MYBPC1: variants seen among roughly 807,000 people sequenced by gnomAD.
The protein encoded by MYBPC1 is myosin binding protein C1, also known as myosin-binding protein C, slow-type.
A neutral mutation model predicts 147.1 loss-of-function variants in MYBPC1; 52 were observed. The ratio of observed to expected loss-of-function variants is 0.35; its 90% CI spans 0.28 to 0.45. The LOEUF (loss-of-function observed/expected upper bound fraction) is 0.45, where lower values mean the gene tolerates loss of function less well. Among genes scored for constraint, MYBPC1 ranks in the 20% least tolerant of loss-of-function variants. The pLI is 1.00. For missense variants in MYBPC1, 1,228 were observed against 1,440.3 expected (o/e 0.85, Z 2.39); for synonymous variants, 477 against 475.9 (o/e 1.00, Z -0.03).
rs111788098 is a variant in MYBPC1, at chr12:101,649,163, C to T, written c.1197-97C>T. The T allele has an allele frequency of 1.2e-4, 127 of 1,092,172 alleles. 1 individual carries two copies. In the African/African-American group the frequency reaches 1.2e-3, roughly 10 times the overall value. 67.7% of individuals were successfully genotyped at this position (1,092,172 alleles called of 1,614,324 possible). On this transcript the variant is annotated intron_variant, in intron 14 of 31. Coordinates refer to ENST00000361466, the MANE Select transcript of MYBPC1 (RefSeq NM_002465.4). Reference sequence around the variant, plus strand: ...ATAGTTCTTGTGTGTCTCATATCCTCCAGAAATTCTTCAGGATATTGCAAT... The same window carrying T: ...ATAGTTCTTGTGTGTCTCATATCCTTCAGAAATTCTTCAGGATATTGCAAT...
At chr12:101,675,112 T>G (rs779725334) in intron 25 of MYBPC1, among the ~76,000 whole-genome samples, 180 bp from the exon 26 acceptor site, 1 of 152,124 alleles carries the variant, frequency 6.6e-6, no homozygotes, top group Non-Finnish European at 1.5e-5. Context: ...CTGTGCCCTT[T>G]GATCTGGCCT....
At chr12:101,658,130 CAAAA>C (rs34952207) in intron 18 of MYBPC1, among the ~76,000 whole-genome samples, 4 of 90,418 alleles carry the variant, frequency 4.4e-5, no homozygotes, top group Non-Finnish European at 9.4e-5. Flanking sequence ...GACTCCGTCT[CAAAA>C]AAAAAAAAAA....
chr12:101,600,300 C>CT lies in MYBPC1; in HGVS notation c.25+5219dup, dbSNP rs767930149. On this transcript the variant is annotated intron_variant, in intron 1 of 31. Coordinates refer to ENST00000361466, the MANE Select transcript of MYBPC1 (RefSeq NM_002465.4). ...TTGGCCATGAGACACAGCCTTGAAA[C>CT]TTTTTTTTTTTTTTAGGCTCTGTAT... The CT allele has an allele frequency of 4.4e-3, 629 of 142,610 alleles. 1 individual carries two copies. The highest frequency in any genetic ancestry group is 0.012 in the African/African-American group (457 of 39,102). 8.8% of individuals were successfully genotyped at this position (142,610 alleles called of 1,614,324 possible).
At chr12:101,629,588 G>A (rs1889408576) in intron 6 of MYBPC1, 44 bp downstream of exon 6, 3 of 1,435,156 alleles carry the variant, frequency 2.1e-6, no homozygotes, top group Non-Finnish European at 2.9e-6. Context: ...AAAAATTAAG[G>A]TGAGCCGAGC....
chr12:101,626,384 T>C (rs1888618822), intron 3 of MYBPC1, among the ~76,000 whole-genome samples: 2 of 152,214 alleles, frequency 1.3e-5, no homozygotes, highest in South Asian at 4.1e-4. Flanking sequence ...TCTTGACTTT[T>C]GTTTCTTAAA....
At chr12:101,612,210 C>G (rs1310416961) in intron 1 of MYBPC1, among the ~76,000 whole-genome samples, 2 of 152,026 alleles carry the variant, frequency 1.3e-5, no homozygotes, top group African/African-American at 4.8e-5. Flanking sequence ...ATAGCAGGAA[C>G]TACCCTATGC....
intron 3 of MYBPC1, among the ~76,000 whole-genome samples, chr12:101,618,345 T>C (rs1240857561): frequency 6.6e-6 from 1 of 152,226 alleles, no homozygotes; most frequent in Non-Finnish European, 1.5e-5. Flanking sequence ...GTAACATGAA[T>C]ACTAATCCTG....
chr12:101,659,881 A>G lies in MYBPC1; in HGVS notation c.1927+50A>G, dbSNP rs746024585. 13 of 1,600,728 alleles carry G rather than the reference A, an allele frequency of 8.1e-6. No individual in the cohort carries two copies. In the Admixed American group the frequency reaches 2.2e-4, roughly 27 times the overall value. On this transcript the variant is annotated intron_variant, in intron 19 of 31. Coordinates refer to ENST00000361466, the MANE Select transcript of MYBPC1 (RefSeq NM_002465.4). ...TCTAGAATCAAGCTGACATGTCAAG[A>G]TTCAGAGTAGACTTTCCTTCTTTGT...
At chr12:101,601,970 G>A (rs1288895856) in intron 1 of MYBPC1, among the ~76,000 whole-genome samples, 1 of 152,116 alleles carries the variant, frequency 6.6e-6, no homozygotes, top group Non-Finnish European at 1.5e-5. Flanking sequence ...TATGCACACA[G>A]TATGTGTCTT....
chr12:101,666,236 C>T, intron 22 of MYBPC1: 1 of 173,246 alleles, frequency 5.8e-6, no homozygotes, highest in Non-Finnish European at 1.3e-5. Flanking sequence ...ACAGGGCTGG[C>T]CTTATCCCAA....
chr12:101,687,838 C>T (rs1951374829), downstream of MYBPC1, among the ~76,000 whole-genome samples: 1 of 152,166 alleles, frequency 6.6e-6, no homozygotes, highest in Admixed American at 6.5e-5. Flanking sequence ...ACTGTAAAAC[C>T]TCCCTGCTGA....
chr12:101,668,220 C>A (rs562208126), intron 23 of MYBPC1, among the ~76,000 whole-genome samples: 10 of 152,228 alleles, frequency 6.6e-5, no homozygotes, highest in Middle Eastern at 3.4e-3. Context: ...ATCCCTACGA[C>A]AACCATATGC....
At chr12:101,628,765 T>A (rs12300336) in intron 5 of MYBPC1, among the ~76,000 whole-genome samples, 1 of 152,234 alleles carries the variant, frequency 6.6e-6, no homozygotes, top group Non-Finnish European at 1.5e-5. Context: ...TGTCTCTCTT[T>A]ATGGGAAAGC....
chr12:101,692,866 A>T, the MYBPC1 span, among the ~76,000 whole-genome samples: 1 of 152,146 alleles, frequency 6.6e-6, no homozygotes, highest in African/African-American at 2.4e-5. Flanking sequence ...ATTTCCAAAA[A>T]TTCAGCAAAG....
In MYBPC1 at chr12:101,642,312, A is replaced by G. The variant is rs555069910; in HGVS notation, c.666-107A>G. The G allele has an allele frequency of 5.7e-6, 7 of 1,220,518 alleles. No homozygotes were observed. In the South Asian group the frequency reaches 7.7e-5, roughly 13 times the overall value. The allele number at this position is 1,220,518 out of a possible 1,614,324, so 75.6% of individuals were successfully genotyped here. On this transcript the variant is annotated intron_variant, in intron 10 of 31. Transcript: ENST00000361466. ...TGGGCTTCAAGTACTCAGGCTTTAAACAGAGCTTTTTTACACTGAACTGAA... is the reference window on the plus strand; with the variant it reads ...TGGGCTTCAAGTACTCAGGCTTTAAGCAGAGCTTTTTTACACTGAACTGAA...
chr12:101,625,400 C>A (rs140481670), intron 3 of MYBPC1, among the ~76,000 whole-genome samples: 3 of 152,232 alleles, frequency 2.0e-5, no homozygotes, highest in African/African-American at 7.2e-5. Flanking sequence ...AAATGCTATG[C>A]GCATTTATAC....
intron 18 of MYBPC1, among the ~76,000 whole-genome samples, chr12:101,654,336 A>G (rs1895136444): frequency 6.6e-6 from 1 of 152,248 alleles, no homozygotes; most frequent in Non-Finnish European, 1.5e-5. Context: ...CAAAATAGAC[A>G]AAATATGTGA....
At chr12:101,661,531 C>T (rs1206389808) in intron 20 of MYBPC1, among the ~76,000 whole-genome samples, 1 of 152,068 alleles carries the variant, frequency 6.6e-6, no homozygotes. Flanking sequence ...GCCCAACTTC[C>T]ACCATCCTAG....
intron 10 of MYBPC1, among the ~76,000 whole-genome samples, chr12:101,641,675 A>C (rs982298180): frequency 1.8e-4 from 28 of 152,184 alleles, no homozygotes; most frequent in African/African-American, 6.5e-4. Flanking sequence ...TTTGCTTCCA[A>C]AAAACATTCA....
Sources: allele counts gnomAD v4.1 joint callset (sites outside exome capture counted in the v4.1 genomes callset), GRCh38; gene constraint gnomAD v4.1.1; transcripts MANE v1.5; gene names NCBI Gene and HGNC (gene_info 2026-07-23, HGNC 2026-07-21).